PPFIA2: variants seen among roughly 807,000 people sequenced by gnomAD.
PPFIA2 encodes PPFI scaffold protein A2.
PPFIA2 carries 46 observed loss-of-function variants against 175.5 expected under a neutral mutation model. The ratio of observed to expected loss-of-function variants is 0.26; its 90% CI spans 0.21 to 0.34. The LOEUF (loss-of-function observed/expected upper bound fraction) is 0.34, where lower values mean the gene tolerates loss of function less well. PPFIA2 is among the 10% of genes least tolerant of loss of function. The pLI is 1.00. For synonymous variants in PPFIA2, 568 were observed against 511.4 expected, an observed-to-expected ratio of 1.11 and a Z score of -1.49; for missense variants, 1,179 against 1,506.1, an observed-to-expected ratio of 0.78 and a Z score of 3.60.
chr12:81,549,232 T>G lies in PPFIA2; in HGVS notation c.304-91366A>C, dbSNP rs189005850. Among the ~76,000 whole-genome samples, 22 of 152,232 alleles carry G rather than the reference T, an allele frequency of 1.4e-4. 1 individual carries two copies. Among genetic ancestry groups the G allele is most frequent in the Admixed American group, 1.3e-3 (20 of 15,262 alleles). On this transcript the variant is annotated intron_variant, in intron 4 of 32. Coordinates refer to ENST00000549396, the MANE Select transcript of PPFIA2 (RefSeq NM_003625.5). Reference sequence around the variant, plus strand: ...GCTGCTATCTTCCTAGAGCCTTCAGTTCTTCTGTGATGTTGAGTAAGAGTT... The same window carrying G: ...GCTGCTATCTTCCTAGAGCCTTCAGGTCTTCTGTGATGTTGAGTAAGAGTT...
intron 4 of PPFIA2, among the ~76,000 whole-genome samples, chr12:81,547,965 A>G (rs934101093): frequency 2.6e-5 from 4 of 152,212 alleles, no homozygotes; most frequent in Non-Finnish European, 1.5e-5. Context: ...GTTAGGATTT[A>G]TGAGTGAAGT....
At chr12:81,710,083 A>G (rs1188625984) in intron 3 of PPFIA2, among the ~76,000 whole-genome samples, 1 of 151,788 alleles carries the variant, frequency 6.6e-6, no homozygotes, top group Non-Finnish European at 1.5e-5. Context: ...TTTTTTGTTG[A>G]TTTCTAAGAT....
In PPFIA2 at chr12:81,288,203, T is replaced by C. The variant is rs574429369; in HGVS notation, c.2926-3900A>G. Among the ~76,000 whole-genome samples the C allele has an allele frequency of 2.4e-4, 37 of 151,916 alleles. 1 individual carries two copies. In the South Asian group the frequency reaches 7.1e-3, roughly 29 times the overall value. Reference sequence around the variant, plus strand: ...GGGACTAAAAGTGCATGCTCCAGAATAGAAAGAAACACTAAAAAGTTTACA... The same window carrying C: ...GGGACTAAAAGTGCATGCTCCAGAACAGAAAGAAACACTAAAAAGTTTACA... On this transcript the variant is annotated intron_variant, in intron 24 of 32. Transcript: ENST00000549396.
intron 4 of PPFIA2, among the ~76,000 whole-genome samples, chr12:81,497,705 A>G (rs1415794131): frequency 6.6e-6 from 1 of 151,734 alleles, no homozygotes; most frequent in Non-Finnish European, 1.5e-5. Context: ...ACGTCCAGCT[A>G]ATTTTGTATT....
chr12:81,668,245 A>G (rs1004807818), intron 4 of PPFIA2, among the ~76,000 whole-genome samples: 16 of 152,044 alleles, frequency 1.1e-4, no homozygotes, highest in African/African-American at 3.4e-4. Context: ...AAAGGGTTCT[A>G]TTATCCTTCT....
At chr12:81,387,401 T>C (rs769591206) in intron 8 of PPFIA2, among the ~76,000 whole-genome samples, 1 of 152,018 alleles carries the variant, frequency 6.6e-6, no homozygotes, top group Non-Finnish European at 1.5e-5. Flanking sequence ...GAATGGACTA[T>C]AGAAGAATGA....
chr12:81,736,085 C>G (rs1568064776), intron 3 of PPFIA2, among the ~76,000 whole-genome samples: 1 of 151,790 alleles, frequency 6.6e-6, no homozygotes, highest in Non-Finnish European at 1.5e-5. Context: ...TTAAAATCAC[C>G]TCATCCCTTC....
At chr12:81,729,794 T>C (rs1261698171) in intron 3 of PPFIA2, among the ~76,000 whole-genome samples, 2 of 151,422 alleles carry the variant, frequency 1.3e-5, no homozygotes, top group Non-Finnish European at 3.0e-5. Context: ...CAGACCATTG[T>C]TGGTTTGAAG....
chr12:81,676,704 AAAT>A, intron 4 of PPFIA2, 84 bp downstream of exon 4: 1 of 910,870 alleles, frequency 1.1e-6, no homozygotes. Context: ...TGCATATGAC[AAAT>A]AATATACAAG....
chr12:81,429,640 G>A (rs1035319399), intron 7 of PPFIA2, among the ~76,000 whole-genome samples: 8 of 151,906 alleles, frequency 5.3e-5, no homozygotes, highest in East Asian at 1.9e-4. Context: ...ATTTTTACCC[G>A]TGTCAAATTT....
In PPFIA2 at chr12:81,588,413, C is replaced by T. The variant is rs143984515; in HGVS notation, c.303+88378G>A. Among the ~76,000 whole-genome samples, 828 of 152,122 alleles carry T rather than the reference C, an allele frequency of 5.4e-3. 8 individuals are homozygous for T. Among genetic ancestry groups the T allele is most frequent in the South Asian group, 0.03 (145 of 4,824 alleles). On this transcript the variant is annotated intron_variant, in intron 4 of 32. Transcript: ENST00000549396. ...AGCCCCACCCTACTCCCAATCTCCT[C>T]ATTCTCTGCTAAAGCCATTTCATCT...
At chr12:81,440,078 G>T in intron 6 of PPFIA2, 32 bp from the exon 7 acceptor site, 1 of 1,484,386 alleles carries the variant, frequency 6.7e-7, no homozygotes, top group Non-Finnish European at 9.2e-7. Flanking sequence ...GTGCAGTAAT[G>T]TACATCCCAT....
At chr12:81,586,606 T>A (rs2075337349) in intron 4 of PPFIA2, among the ~76,000 whole-genome samples, 1 of 151,864 alleles carries the variant, frequency 6.6e-6, no homozygotes, top group South Asian at 2.1e-4. Context: ...CAAAATGAAT[T>A]ATATAACACA....
chr12:81,414,867 A>G (rs1340410710), intron 7 of PPFIA2, among the ~76,000 whole-genome samples: 4 of 151,380 alleles, frequency 2.6e-5, no homozygotes, highest in Admixed American at 2.0e-4. Context: ...ATTAATTGGG[A>G]AACCATAAAG....
At chr12:81,753,074 A>G (rs2084075478) in intron 3 of PPFIA2, among the ~76,000 whole-genome samples, 1 of 151,916 alleles carries the variant, frequency 6.6e-6, no homozygotes, top group South Asian at 2.1e-4. Context: ...AGCTGGGACT[A>G]CAGGCGCATG....
At chr12:81,284,985 A>G (rs902798097) in intron 24 of PPFIA2, among the ~76,000 whole-genome samples, 6 of 152,174 alleles carry the variant, frequency 3.9e-5, no homozygotes, top group African/African-American at 1.4e-4. Flanking sequence ...TAAAATCCAT[A>G]TATTTCCTAA....
chr12:81,709,607 A>G (rs2077631790), intron 3 of PPFIA2, among the ~76,000 whole-genome samples: 2 of 152,040 alleles, frequency 1.3e-5, no homozygotes, highest in East Asian at 3.9e-4. Context: ...GCTATTTGCT[A>G]GCAAGGTTTT....
At chr12:81,397,714 A>T (rs557702525) in intron 8 of PPFIA2, among the ~76,000 whole-genome samples, 1 of 152,074 alleles carries the variant, frequency 6.6e-6, no homozygotes, top group East Asian at 1.9e-4. Flanking sequence ...AGCCATGGAC[A>T]TGTACTGGTC....
Position 81,282,786 on chromosome 12 carries a change from T to C in PPFIA2, c.3018+224A>G, listed in dbSNP as rs186572888. ...TTGAGAAAGAAAGAAAAGTACCCTT[T>C]TAAAAGAGGTAAGGTATGAAACGTC... is the stretch of plus-strand genomic sequence containing the variant. On this transcript the variant is annotated intron_variant, in intron 26 of 32. Transcript: ENST00000549396. 1.1e-5 allele frequency: 4 copies of C among 352,396 alleles called. No homozygotes were observed. In the East Asian group the frequency reaches 1.7e-4, roughly 15 times the overall value. 21.8% of individuals were successfully genotyped at this position (352,396 alleles called of 1,614,324 possible). A position where few individuals can be genotyped will look rare whatever the true frequency, so the allele number is the denominator to read the frequency against.
Sources: gnomAD v4.1 joint callset for allele counts (sites outside exome capture counted in the v4.1 genomes callset) on GRCh38, gnomAD v4.1.1 for gene constraint, MANE v1.5 for transcripts, NCBI Gene and HGNC (gene_info 2026-07-23, HGNC 2026-07-21) for gene names.